SLC35D4: variants seen among roughly 807,000 people sequenced by gnomAD.
SLC35D4 encodes the protein solute carrier family 35 member D4, also known as UDP-N-acetylglucosamine transporter SLC35D4.
At chr18:23,316,285 C>T in the SLC35D4 span, among the ~76,000 whole-genome samples, 1 of 152,146 alleles carries the variant, frequency 6.6e-6, no homozygotes, top group Non-Finnish European at 1.5e-5. Flanking sequence ...GTGTTGCAGA[C>T]TCACATATGA....
At chr18:23,389,092 T>C in the SLC35D4 span, among the ~76,000 whole-genome samples, 1 of 149,024 alleles carries the variant, frequency 6.7e-6, no homozygotes, top group African/African-American at 2.5e-5. Flanking sequence ...CGGGTTCAAG[T>C]GATTCTCCTG....
At chr18:23,407,412 C>CA in the SLC35D4 span, among the ~76,000 whole-genome samples, 1 of 151,916 alleles carries the variant, frequency 6.6e-6, no homozygotes, top group Non-Finnish European at 1.5e-5. Context: ...AGAAAATCAA[C>CA]AGAAAATTAA....
chr18:23,375,035 A>G, the SLC35D4 span, among the ~76,000 whole-genome samples: 2 of 151,848 alleles, frequency 1.3e-5, no homozygotes, highest in Non-Finnish European at 2.9e-5. Context: ...GAATCACTTG[A>G]ACCCGGGAGG....
At chr18:23,257,062 G>C in the SLC35D4 span, 1 of 715,424 alleles carries the variant, frequency 1.4e-6, no homozygotes, top group South Asian at 1.9e-5. Context: ...CAGGACCGAA[G>C]GCAGGAAGCA....
At chr18:23,414,563 C>T in the SLC35D4 span, among the ~76,000 whole-genome samples, 82 of 151,930 alleles carry the variant, frequency 5.4e-4, no homozygotes, top group African/African-American at 1.9e-3. Flanking sequence ...ATCCCAGCTT[C>T]CCGGGGGGCT....
chr18:23,260,960 GCCCAGCGGAAGGGA>G, the SLC35D4 span, among the ~76,000 whole-genome samples: 9 of 152,148 alleles, frequency 5.9e-5, no homozygotes, highest in Admixed American at 2.6e-4. Context: ...CCTGCACACA[GCCCAGCGGAAGGGA>G]CCCAGGCCAG....
chr18:23,289,261 T>C, the SLC35D4 span, among the ~76,000 whole-genome samples: 1 of 152,214 alleles, frequency 6.6e-6, no homozygotes. Flanking sequence ...ATAAATAATC[T>C]TTGCTGGCAG....
At chr18:23,281,265 A>C in the SLC35D4 span, among the ~76,000 whole-genome samples, 1 of 152,344 alleles carries the variant, frequency 6.6e-6, no homozygotes, top group East Asian at 1.9e-4. Flanking sequence ...TGAATTGTAC[A>C]CTTCAAATGG....
chr18:23,261,529 G>A, the SLC35D4 span, among the ~76,000 whole-genome samples: 42 of 151,606 alleles, frequency 2.8e-4, no homozygotes, highest in Admixed American at 2.7e-3. Flanking sequence ...AGGCTGAGGT[G>A]GGAGAATCAC....
At chr18:23,331,861 C>T in the SLC35D4 span, among the ~76,000 whole-genome samples, 6 of 150,168 alleles carry the variant, frequency 4.0e-5, no homozygotes, top group African/African-American at 1.5e-4. Flanking sequence ...AATAAAGCTG[C>T]CATGGATTTT....
At chr18:23,364,643 G>A in the SLC35D4 span, among the ~76,000 whole-genome samples, 6 of 152,030 alleles carry the variant, frequency 3.9e-5, no homozygotes, top group South Asian at 2.1e-4. Context: ...AGTGGCTCAC[G>A]CCTGTAATCC....
chr18:23,320,498 T>C, the SLC35D4 span, among the ~76,000 whole-genome samples: 12 of 152,200 alleles, frequency 7.9e-5, no homozygotes, highest in Admixed American at 7.9e-4. Context: ...CTTTCCCCAC[T>C]TGATTATCAG....
At chr18:23,245,366 C>T in the SLC35D4 span, among the ~76,000 whole-genome samples, 2 of 151,964 alleles carry the variant, frequency 1.3e-5, no homozygotes. Flanking sequence ...AAAAAAATAG[C>T]CAGGCGTGGT....
the SLC35D4 span, among the ~76,000 whole-genome samples, chr18:23,411,898 A>G: frequency 1 from 151,807 of 152,396 alleles, 75,615 homozygotes; most frequent in Non-Finnish European, 1. Flanking sequence ...GAGAACATCT[A>G]CTCCCTGAAA....
the SLC35D4 span, among the ~76,000 whole-genome samples, chr18:23,396,495 A>G: frequency 6.6e-6 from 1 of 152,250 alleles, no homozygotes; most frequent in Non-Finnish European, 1.5e-5. Flanking sequence ...TTATTTTACT[A>G]TAAAACAATA....
chr18:23,377,597 A>G, the SLC35D4 span: 2 of 1,538,706 alleles, frequency 1.3e-6, no homozygotes, highest in African/African-American at 2.8e-5. Context: ...AGTTAAAAAT[A>G]GGTTAAATCT....
the SLC35D4 span, among the ~76,000 whole-genome samples, chr18:23,267,730 G>A: frequency 1.3e-5 from 2 of 151,916 alleles, no homozygotes; most frequent in East Asian, 1.9e-4. Flanking sequence ...CTTCCTTAGC[G>A]CTCCCTTAGG....
chr18:23,261,779 A>C, the SLC35D4 span, among the ~76,000 whole-genome samples: 1 of 152,258 alleles, frequency 6.6e-6, no homozygotes, highest in Non-Finnish European at 1.5e-5. Context: ...TCAGCCTAGC[A>C]TCTCCAAGGG....
the SLC35D4 span, among the ~76,000 whole-genome samples, chr18:23,433,940 G>T: frequency 2.6e-5 from 4 of 152,012 alleles, no homozygotes; most frequent in Non-Finnish European, 5.9e-5. Flanking sequence ...CCACATTAGA[G>T]TACAATATGC....
Sources: gnomAD v4.1 joint callset for allele counts (sites outside exome capture counted in the v4.1 genomes callset) on GRCh38, gnomAD v4.1.1 for gene constraint, MANE v1.5 for transcripts, NCBI Gene and HGNC (gene_info 2026-07-23, HGNC 2026-07-21) for gene names.